TIAM2: variants seen among roughly 807,000 people sequenced by gnomAD.
TIAM2 encodes TIAM Rac1 associated GEF 2.
In TIAM2, 80 loss-of-function variants were observed where a neutral mutation model predicts 152.9. The observed-to-expected ratio is 0.52, with a 90% confidence interval of 0.44 to 0.63. The LOEUF is 0.63. Ranked by LOEUF, TIAM2 falls within the 30% of genes least tolerant of loss-of-function variation. TIAM2 has a pLI of 0.00. For missense variants in TIAM2, 1,965 were observed against 2,120.1 expected, an observed-to-expected ratio of 0.93 and a Z score of 1.44; for synonymous variants, 804 against 838.0, an observed-to-expected ratio of 0.96 and a Z score of 0.70.
intron 15 of TIAM2, among the ~76,000 whole-genome samples, chr6:155,229,995 G>A (rs912330645): frequency 1.3e-5 from 2 of 151,966 alleles, no homozygotes; most frequent in Non-Finnish European, 2.9e-5. Context: ...TCCCTCCCAT[G>A]ACACATGGGA....
intron 14 of TIAM2, among the ~76,000 whole-genome samples, chr6:155,210,983 C>T (rs1261727353): frequency 2.0e-5 from 3 of 152,134 alleles, no homozygotes; most frequent in African/African-American, 7.2e-5. Flanking sequence ...TCTCTTTCGA[C>T]CAAAACAGGC....
intron 1 of TIAM2, among the ~76,000 whole-genome samples, chr6:155,043,890 A>G (rs551859146): frequency 2.0e-5 from 3 of 152,188 alleles, no homozygotes; most frequent in Admixed American, 1.3e-4. Context: ...CTGACAATCA[A>G]GTCTAGATAC....
In TIAM2 at chr6:155,201,804, A is replaced by G. The variant is rs545950468; in HGVS notation, c.3065-9400A>G. Among the ~76,000 whole-genome samples the G allele has an allele frequency of 2.6e-5, 4 of 152,338 alleles. No individual in the cohort carries two copies. In the East Asian group the frequency reaches 7.7e-4, roughly 29 times the overall value. The stretch of plus-strand genomic sequence containing the variant: ...AAACAGATCCTGGCAGCCTGCTATT[A>G]AGAAACATTTACTACCAGCATTTAC... On this transcript the variant is annotated intron_variant, in intron 14 of 26. Coordinates refer to ENST00000682666, the MANE Select transcript of TIAM2 (RefSeq NM_012454.4).
chr6:155,104,696 GCCGTGAGCCGAGATCGTGCCT>G (rs940916122), intron 2 of TIAM2, among the ~76,000 whole-genome samples: 1 of 151,696 alleles, frequency 6.6e-6, no homozygotes, highest in Non-Finnish European at 1.5e-5. Context: ...GGCGGAGGTT[GCCGTGAGCCGAGATCGTGCCT>G]CTGCACTCCA....
chr6:155,089,422 G>T (rs9478612), intron 1 of TIAM2, among the ~76,000 whole-genome samples: 29,984 of 152,138 alleles, frequency 0.2, 3,537 homozygotes, highest in Middle Eastern at 0.27. Context: ...GGCCAGAGTG[G>T]TCTCAAACTC....
chr6:155,073,949 T>G (rs1777899595), intron 1 of TIAM2, among the ~76,000 whole-genome samples: 1 of 152,154 alleles, frequency 6.6e-6, no homozygotes. Flanking sequence ...GAAAATGCAA[T>G]GTTCTGGATG....
In TIAM2 at chr6:155,156,936, C is replaced by T. The variant is rs911718100; in HGVS notation, c.2029-7479C>T. Among the ~76,000 whole-genome samples the T allele has an allele frequency of 2.6e-5, 4 of 152,288 alleles. No homozygotes were observed. The highest frequency in any genetic ancestry group is 2.1e-4 in the South Asian group (1 of 4,826). On this transcript the variant is annotated intron_variant, in intron 7 of 26. Coordinates refer to ENST00000682666, the MANE Select transcript of TIAM2 (RefSeq NM_012454.4). This position sits in a 1 kb window ranked among gnomAD's most constrained non-coding sequence, Gnocchi z 4.4. ...CTTCCTCCAAGGCGCTGTCCTTGAT[C>T]GCCCTTTTGCCCACTCCATCAGGGA...
Position 155,183,331 on chromosome 6 carries a change from C to A in TIAM2, c.2895C>A (p.Ser965Arg). The A allele has an allele frequency of 6.2e-7, 1 of 1,614,118 alleles. No individual in the cohort carries two copies. The highest frequency in any genetic ancestry group is 1.3e-5 in the African/African-American group (1 of 75,026). The change falls in exon 14 of 27, where the codon AGC (serine) becomes AGA (arginine). Residue 965 changes from serine (S) to arginine (R), a missense_variant. By Grantham distance (110) the Ser-to-Arg change is moderately radical. Around this residue, in one of 3 missense-constraint regions of TIAM2, gnomAD observed 935 missense variants for 980.0 expected, o/e 0.95. Coordinates refer to ENST00000682666, the MANE Select transcript of TIAM2 (RefSeq NM_012454.4). ...TGGAGGCCCTGTTTTCTGAGAAGAG[C>A]GTCGGACTCACTCTGATTGCCCGGC... is the stretch of plus-strand genomic sequence containing the variant. The part of the protein sequence containing the change: ...KQMEALFSEK[S>R]VGLTLIARPP...
intron 2 of TIAM2, among the ~76,000 whole-genome samples, chr6:155,104,870 T>C (rs1583192153): frequency 6.6e-6 from 1 of 152,084 alleles, no homozygotes; most frequent in African/African-American, 2.4e-5. Context: ...TAAAATACAG[T>C]TTTCATCCAG....
At chr6:155,041,813 G>A (rs575195832) in intron 1 of TIAM2, among the ~76,000 whole-genome samples, 5 of 152,168 alleles carry the variant, frequency 3.3e-5, no homozygotes, top group African/African-American at 1.2e-4. Context: ...TTGCCAGTGC[G>A]ATGTAGACCC....
At chr6:155,005,023 T>A in intron 1 of TIAM2, 1 of 527,366 alleles carries the variant, frequency 1.9e-6, no homozygotes. Context: ...CAGAAGGCAG[T>A]CATGGAGTAA....
At chr6:155,144,070 G>A (rs993091754) in intron 5 of TIAM2, among the ~76,000 whole-genome samples, 17 of 152,150 alleles carry the variant, frequency 1.1e-4, no homozygotes, top group Admixed American at 6.6e-4. Context: ...CTTGCAGCAG[G>A]TGGATTACCA....
In TIAM2 at chr6:155,063,164, G is replaced by A. The variant is rs560662211; in HGVS notation, c.-208-27125G>A. ...ATAACTGGTTCAGATTTAGTGGCAA[G>A]GCAACATGATTTCACAAACAGGGTA... is the stretch of plus-strand genomic sequence containing the variant. On this transcript the variant is annotated intron_variant, in intron 1 of 26. Transcript: ENST00000682666. Among the ~76,000 whole-genome samples, 48 of 152,186 alleles carry A rather than the reference G, an allele frequency of 3.2e-4. No individual in the cohort carries two copies. The South Asian group carries it at 4.1e-3, about 13-fold the overall frequency.
intron 20 of TIAM2, among the ~76,000 whole-genome samples, chr6:155,249,118 A>G (rs1783504098): frequency 6.6e-6 from 1 of 152,188 alleles, no homozygotes; most frequent in Non-Finnish European, 1.5e-5. Context: ...TTCCTTCCAA[A>G]CTTCCCTCCA....
intron 1 of TIAM2, among the ~76,000 whole-genome samples, chr6:155,070,259 C>T (rs1274570742): frequency 9.1e-5 from 10 of 110,406 alleles, no homozygotes; most frequent in African/African-American, 2.9e-4. Context: ...CTCACTCTGT[C>T]GCCCAGGCTG....
intron 6 of TIAM2, among the ~76,000 whole-genome samples, chr6:155,145,725 G>T (rs1779806881): frequency 6.6e-6 from 1 of 152,018 alleles, no homozygotes; most frequent in South Asian, 2.1e-4. Context: ...ATGGTCCTGG[G>T]TGCCCTCAGA....
chr6:155,198,611 G>A (rs544612026), intron 14 of TIAM2, among the ~76,000 whole-genome samples: 2 of 135,072 alleles, frequency 1.5e-5, no homozygotes, highest in Non-Finnish European at 3.0e-5. Context: ...GTGGTGAGCC[G>A]AGATCGTGCC....
intron 14 of TIAM2, among the ~76,000 whole-genome samples, chr6:155,204,497 A>G (rs1355188049): frequency 1.3e-5 from 2 of 152,168 alleles, no homozygotes; most frequent in Admixed American, 6.5e-5. Flanking sequence ...ATTATAAATT[A>G]CTTTCCGTTT....
rs1784110162 is a variant in TIAM2, at chr6:155,257,189, G to GAAA, written c.*68_*69insAAA. The GAAA allele has an allele frequency of 7.7e-4, 412 of 532,404 alleles. No homozygotes were observed. Among genetic ancestry groups the GAAA allele is most frequent in the South Asian group, 2.1e-3 (60 of 28,752 alleles). 33.0% of individuals were successfully genotyped at this position (532,404 alleles called of 1,614,324 possible). A position where few individuals can be genotyped will look rare whatever the true frequency, so the allele number is the denominator to read the frequency against. ...TTAAACTGGTGGTAAAGTGGAAATT[G>GAAA]CAAAAAAAAAAAAAAAAAAAAACTG... On this transcript the variant is annotated 3_prime_UTR_variant, in exon 27 of 27. Coordinates refer to ENST00000682666, the MANE Select transcript of TIAM2 (RefSeq NM_012454.4).
Sources: gnomAD v4.1 joint callset for allele counts (sites outside exome capture counted in the v4.1 genomes callset) on GRCh38, gnomAD v4.1.1 for gene constraint, gnomAD v4.1.1 regional missense constraint, Gnocchi (gnomAD v3.1) non-coding constraint, MANE v1.5 for transcripts, NCBI Gene and HGNC (gene_info 2026-07-23, HGNC 2026-07-21) for gene names.